Variants in ACTL8 observed in about 807,000 individuals in gnomAD.
The protein encoded by ACTL8 is actin-like protein 8.
ACTL8 carries 3 observed loss-of-function variants against 9.3 expected under a neutral mutation model. That is an observed-to-expected ratio of 0.32 (90% CI 0.15 to 0.83). The LOEUF is 0.83. ACTL8 is among the 40% of genes least tolerant of loss of function. The pLI is 0.57. For missense variants in ACTL8, 381 were observed against 492.2 expected (o/e 0.77, Z 2.14); for synonymous variants, 224 against 205.9 (o/e 1.09, Z -0.75).
At chr1:17,782,472 A>C (rs2102683903) in intron 1 of ACTL8, among the ~76,000 whole-genome samples, 1 of 152,352 alleles carries the variant, frequency 6.6e-6, no homozygotes, top group East Asian at 1.9e-4. Context: ...AAATCCCTTT[A>C]ATCATATTAT....
At chr1:17,774,564 AG>A (rs2066105404) in intron 1 of ACTL8, among the ~76,000 whole-genome samples, 1 of 152,140 alleles carries the variant, frequency 6.6e-6, no homozygotes, top group Admixed American at 6.5e-5. Context: ...ATGAAGGAGC[AG>A]GGTGTGCCAC....
chr1:17,775,300 C>A (rs1017465179), intron 1 of ACTL8, among the ~76,000 whole-genome samples: 33 of 152,294 alleles, frequency 2.2e-4, no homozygotes, highest in African/African-American at 6.5e-4. Flanking sequence ...GCAGAGGCCA[C>A]CCCATCCCTC....
intron 1 of ACTL8, among the ~76,000 whole-genome samples, chr1:17,784,738 T>A (rs2066183435): frequency 6.6e-6 from 1 of 152,228 alleles, no homozygotes; most frequent in Non-Finnish European, 1.5e-5. Context: ...TAGAGCAGAC[T>A]GAGGCTCAAG....
chr1:17,775,762 G>A (rs1375964853), intron 1 of ACTL8, among the ~76,000 whole-genome samples: 2 of 152,142 alleles, frequency 1.3e-5, no homozygotes, highest in East Asian at 3.9e-4. Flanking sequence ...CCCTTTTGGG[G>A]CTCCTTGAGG....
At chr1:17,771,914 G>T (rs540660173) in intron 1 of ACTL8, among the ~76,000 whole-genome samples, 1 of 147,460 alleles carries the variant, frequency 6.8e-6, no homozygotes, top group Non-Finnish European at 1.5e-5. Flanking sequence ...TTCTTAATTC[G>T]TGAAGTATCT....
chr1:17,808,914 G>A (rs2066376549), intron 1 of ACTL8, among the ~76,000 whole-genome samples: 1 of 152,184 alleles, frequency 6.6e-6, no homozygotes, highest in Non-Finnish European at 1.5e-5. Context: ...GCCAGAGACT[G>A]GTGGGCTTTG....
chr1:17,778,507 G>A (rs2066131616), intron 1 of ACTL8, among the ~76,000 whole-genome samples: 1 of 152,112 alleles, frequency 6.6e-6, no homozygotes, highest in Non-Finnish European at 1.5e-5. Context: ...TCCTGATTCA[G>A]AGAAGGGCCA....
At chr1:17,808,554 C>T (rs188030155) in intron 1 of ACTL8, among the ~76,000 whole-genome samples, 2 of 152,284 alleles carry the variant, frequency 1.3e-5, no homozygotes, top group East Asian at 3.9e-4. Flanking sequence ...CTCATTCCTT[C>T]ATCTATAAAC....
chr1:17,808,459 G>T (rs146652101), intron 1 of ACTL8, among the ~76,000 whole-genome samples: 355 of 152,300 alleles, frequency 2.3e-3, no homozygotes, highest in African/African-American at 8.4e-3. Context: ...TAAGAGCTTG[G>T]GCTGTGAACC....
intron 1 of ACTL8, among the ~76,000 whole-genome samples, chr1:17,769,154 G>A (rs922618655): frequency 6.6e-6 from 1 of 152,102 alleles, no homozygotes; most frequent in African/African-American, 2.4e-5. Context: ...TTGCAGAATC[G>A]CCAGCTGTGA....
At chr1:17,764,429 A>T (rs567022126) in intron 1 of ACTL8, among the ~76,000 whole-genome samples, 1 of 152,282 alleles carries the variant, frequency 6.6e-6, no homozygotes, top group South Asian at 2.1e-4. Flanking sequence ...CTGGGGGTTC[A>T]CTTCTTTCCA....
chr1:17,805,387 T>C (rs1211279296), intron 1 of ACTL8, among the ~76,000 whole-genome samples: 8 of 120,108 alleles, frequency 6.7e-5, no homozygotes, highest in African/African-American at 2.4e-4. Context: ...CTTTTTTTTT[T>C]TTTTTTTTTT....
At chr1:17,795,912 A>C (rs1393960166) in intron 1 of ACTL8, among the ~76,000 whole-genome samples, 1 of 152,176 alleles carries the variant, frequency 6.6e-6, no homozygotes, top group African/African-American at 2.4e-5. Context: ...CACACCAAGC[A>C]CACTGGCATG....
chr1:17,777,246 A>G (rs2066124625), intron 1 of ACTL8, among the ~76,000 whole-genome samples: 1 of 152,070 alleles, frequency 6.6e-6, no homozygotes, highest in Non-Finnish European at 1.5e-5. Flanking sequence ...AAGGTCCCAC[A>G]TCCTGATTCT....
At chr1:17,792,158 A>G (rs1176317739) in intron 1 of ACTL8, among the ~76,000 whole-genome samples, 1 of 152,222 alleles carries the variant, frequency 6.6e-6, no homozygotes, top group African/African-American at 2.4e-5. Context: ...GTGGAGCTCA[A>G]GAAAGGGTGG....
intron 1 of ACTL8, among the ~76,000 whole-genome samples, chr1:17,757,498 C>T (rs1172975718): frequency 1.4e-5 from 2 of 146,262 alleles, no homozygotes; most frequent in African/African-American, 5.1e-5. Context: ...CCCACCCCAA[C>T]TTATCAAGTG....
intron 1 of ACTL8, among the ~76,000 whole-genome samples, chr1:17,772,402 G>A (rs2066088955): frequency 1.3e-5 from 2 of 152,034 alleles, no homozygotes; most frequent in African/African-American, 4.8e-5. Context: ...CTGGGCTTTC[G>A]GTGAGGTTGA....
At chr1:17,799,712 T>C (rs2066306588) in intron 1 of ACTL8, among the ~76,000 whole-genome samples, 1 of 152,188 alleles carries the variant, frequency 6.6e-6, no homozygotes, top group African/African-American at 2.4e-5. Context: ...TCCCTTAGCT[T>C]TATAGTTTTA....
chr1:17,797,371 G>A (rs970888539), intron 1 of ACTL8, among the ~76,000 whole-genome samples: 3 of 152,170 alleles, frequency 2.0e-5, no homozygotes, highest in Non-Finnish European at 4.4e-5. Flanking sequence ...ATGCTTTGGA[G>A]CTAAGGACCC....
Sources: allele counts gnomAD v4.1 joint callset (sites outside exome capture counted in the v4.1 genomes callset), GRCh38; gene constraint gnomAD v4.1.1; transcripts MANE v1.5; gene names NCBI Gene and HGNC (gene_info 2026-07-23, HGNC 2026-07-21).